TMEM132C: variants seen among roughly 807,000 people sequenced by gnomAD.
TMEM132C encodes protein phosphatase 1, regulatory subunit 152.
Under a neutral mutation model 61.4 loss-of-function variants are expected in TMEM132C, and 29 were observed. That is an observed-to-expected ratio of 0.47 (90% confidence interval 0.35 to 0.64). TMEM132C has a LOEUF of 0.64. Ranked by LOEUF, TMEM132C falls within the 30% of genes least tolerant of loss-of-function variation. The probability of loss-of-function intolerance (pLI) is 0.00; values close to 1 mark genes in which losing one functional copy is unlikely to be tolerated. For synonymous variants in TMEM132C, 656 were observed against 633.1 expected, an observed-to-expected ratio of 1.04 and a Z score of -0.54; for missense variants, 1,408 against 1,476.9, an observed-to-expected ratio of 0.95 and a Z score of 0.76.
At chr12:128,509,998 G>A (rs961081561) in intron 2 of TMEM132C, among the ~76,000 whole-genome samples, 1 of 152,146 alleles carries the variant, frequency 6.6e-6, no homozygotes, top group Non-Finnish European at 1.5e-5. Context: ...GGGGATGCTG[G>A]AGGAAACAGA....
chr12:128,514,432 G>A (rs1223552606), intron 2 of TMEM132C, among the ~76,000 whole-genome samples: 1 of 152,104 alleles, frequency 6.6e-6, no homozygotes, highest in Non-Finnish European at 1.5e-5. Flanking sequence ...ATTTGCCCAA[G>A]GCCAGATACT....
chr12:128,674,895 C>T (rs1458060565), intron 5 of TMEM132C, among the ~76,000 whole-genome samples: 2 of 151,280 alleles, frequency 1.3e-5, no homozygotes, highest in Non-Finnish European at 2.9e-5. Flanking sequence ...ATCCTCAGAG[C>T]TTAGCTCCCA....
At chr12:128,362,508 TAGA>T (rs1254570856) in intron 1 of TMEM132C, among the ~76,000 whole-genome samples, 2 of 152,226 alleles carry the variant, frequency 1.3e-5, no homozygotes, top group African/African-American at 4.8e-5. Context: ...TTTGGGGGAC[TAGA>T]AGTATCTGCC....
At chr12:128,699,070 A>G (rs1954785656) in intron 8 of TMEM132C, among the ~76,000 whole-genome samples, 1 of 152,164 alleles carries the variant, frequency 6.6e-6, no homozygotes, top group Non-Finnish European at 1.5e-5. Context: ...GTGCAGTTCA[A>G]GGACTGCAAA....
At chr12:128,299,797 A>G (rs1238331959) in intron 1 of TMEM132C, among the ~76,000 whole-genome samples, 2 of 151,944 alleles carry the variant, frequency 1.3e-5, no homozygotes, top group Non-Finnish European at 2.9e-5. Flanking sequence ...CCAGGTCTTC[A>G]CTCTATGAAA....
intron 2 of TMEM132C, among the ~76,000 whole-genome samples, chr12:128,474,519 C>T (rs1046467259): frequency 2.0e-5 from 3 of 152,182 alleles, no homozygotes; most frequent in African/African-American, 7.2e-5. Context: ...CACAGTTTAT[C>T]TTGCAGCAAA....
chr12:128,575,716 T>G (rs1400599542), intron 3 of TMEM132C, among the ~76,000 whole-genome samples: 1 of 152,210 alleles, frequency 6.6e-6, no homozygotes, highest in Middle Eastern at 3.2e-3. Flanking sequence ...CAAGAATTGT[T>G]TCCATTGCTA....
intron 5 of TMEM132C, among the ~76,000 whole-genome samples, chr12:128,687,742 ATTAT>A (rs1954688641): frequency 6.6e-6 from 1 of 152,214 alleles, no homozygotes; most frequent in Admixed American, 6.5e-5. Context: ...AAAAGGAGAT[ATTAT>A]TTAAACATTT....
chr12:128,481,860 T>C (rs1460353745), intron 2 of TMEM132C, among the ~76,000 whole-genome samples: 1 of 152,098 alleles, frequency 6.6e-6, no homozygotes, highest in Non-Finnish European at 1.5e-5. Context: ...CATGAGGAAA[T>C]GAATGTAAGA....
At chr12:128,282,196 A>G (rs1392705514) in intron 1 of TMEM132C, among the ~76,000 whole-genome samples, 1 of 152,270 alleles carries the variant, frequency 6.6e-6, no homozygotes. Flanking sequence ...CAAACAAGAC[A>G]TTCTCTTACA....
At chr12:128,463,656 G>A (rs1870618146) in intron 2 of TMEM132C, among the ~76,000 whole-genome samples, 1 of 151,884 alleles carries the variant, frequency 6.6e-6, no homozygotes, top group Non-Finnish European at 1.5e-5. Context: ...GTCCCTGGAA[G>A]GGCCTGCCTG....
At chr12:128,604,269 A>T (rs1280931569) in intron 3 of TMEM132C, among the ~76,000 whole-genome samples, 1 of 152,132 alleles carries the variant, frequency 6.6e-6, no homozygotes, top group African/African-American at 2.4e-5. Context: ...TAGAATGGAT[A>T]GAGTGATTAA....
chr12:128,397,132 G>C (rs562016205), intron 1 of TMEM132C, among the ~76,000 whole-genome samples: 8 of 152,132 alleles, frequency 5.3e-5, no homozygotes, highest in African/African-American at 1.4e-4. Flanking sequence ...GCCCCAGGGT[G>C]GGGGAGCCTT....
At chr12:128,345,024 C>T (rs974658144) in intron 1 of TMEM132C, among the ~76,000 whole-genome samples, 6 of 151,050 alleles carry the variant, frequency 4.0e-5, no homozygotes, top group African/African-American at 1.5e-4. Context: ...TTAAGTCCAG[C>T]ATCCATTAGC....
chr12:128,372,914 A>AT (rs1196351756), intron 1 of TMEM132C, among the ~76,000 whole-genome samples: 1 of 152,232 alleles, frequency 6.6e-6, no homozygotes, highest in Non-Finnish European at 1.5e-5. Flanking sequence ...CCATAGTGGA[A>AT]TTCATTAGCA....
At chr12:128,545,676 T>C (rs1015109466) in intron 3 of TMEM132C, among the ~76,000 whole-genome samples, 2 of 152,240 alleles carry the variant, frequency 1.3e-5, no homozygotes, top group African/African-American at 2.4e-5. Flanking sequence ...TGGCATCTCA[T>C]TGTGGTTTTG....
At chr12:128,541,021 T>TTATCTG (rs1873725594) in intron 2 of TMEM132C, among the ~76,000 whole-genome samples, 1 of 71,328 alleles carries the variant, frequency 1.4e-5, no homozygotes, top group African/African-American at 3.1e-5. Flanking sequence ...CTTTCTCTCT[T>TTATCTG]TCTCTGTCTC....
At chr12:128,588,655 G>T (rs1165247523) in intron 3 of TMEM132C, among the ~76,000 whole-genome samples, 1 of 152,048 alleles carries the variant, frequency 6.6e-6, no homozygotes, top group African/African-American at 2.4e-5. Flanking sequence ...TAGGGAGTGG[G>T]GACTATGAAG....
chr12:128,549,260 A>G (rs776173159), intron 3 of TMEM132C, among the ~76,000 whole-genome samples: 18 of 151,956 alleles, frequency 1.2e-4, no homozygotes, highest in Non-Finnish European at 2.4e-4. Flanking sequence ...CTCACCTAAG[A>G]CCAAAACTGG....
Sources: gnomAD v4.1 joint callset for allele counts (sites outside exome capture counted in the v4.1 genomes callset) on GRCh38, gnomAD v4.1.1 for gene constraint, MANE v1.5 for transcripts, NCBI Gene and HGNC (gene_info 2026-07-23, HGNC 2026-07-21) for gene names.